ITSN2: variants seen among roughly 807,000 people sequenced by gnomAD.
ITSN2 encodes intersectin-2.
In ITSN2, 156 loss-of-function variants were observed where a neutral mutation model predicts 243.7. The ratio of observed to expected loss-of-function variants is 0.64; its 90% CI spans 0.56 to 0.73. The LOEUF is 0.73. Among genes scored for constraint, ITSN2 ranks in the 30% least tolerant of loss-of-function variants. The pLI is 0.00. For missense variants in ITSN2, 1,801 were observed against 1,996.1 expected (o/e 0.90, Z 1.86); for synonymous variants, 703 against 699.9 (o/e 1.00, Z -0.07).
chr2:24,218,039 G>A (rs1035685073), intron 30 of ITSN2, 26 bp from the exon 31 acceptor site: 1 of 1,513,234 alleles, frequency 6.6e-7, no homozygotes, highest in Non-Finnish European at 9.2e-7. Flanking sequence ...AGAAAAACTA[G>A]TTAGCTTAAG....
chr2:24,334,943 G>A, intron 1 of ITSN2: 1 of 384,564 alleles, frequency 2.6e-6, no homozygotes, highest in South Asian at 2.2e-5. Flanking sequence ...GGCGCCTGTA[G>A]TCCCAGCTAC....
intron 29 of ITSN2, among the ~76,000 whole-genome samples, chr2:24,231,709 G>A (rs905913823): frequency 2.0e-5 from 3 of 152,190 alleles, no homozygotes; most frequent in Admixed American, 1.3e-4. Flanking sequence ...GATCTGGGCA[G>A]ATTCCAGGAG....
In ITSN2 at chr2:24,275,016, C is replaced by T. The variant is rs547355003; in HGVS notation, c.2081+697G>A. Among the ~76,000 whole-genome samples, 139 of 152,314 alleles carry T rather than the reference C, an allele frequency of 9.1e-4. 1 individual carries two copies. The highest frequency in any genetic ancestry group is 3.4e-3 in the Middle Eastern group (1 of 294). ...ACCACAAATGTCTTACTTCTCCTTACTATAAATGGAGGCAATTAATATATC... is the reference window on the plus strand; with the variant it reads ...ACCACAAATGTCTTACTTCTCCTTATTATAAATGGAGGCAATTAATATATC... On this transcript the variant is annotated intron_variant, in intron 18 of 39. Coordinates refer to ENST00000355123, the MANE Select transcript of ITSN2 (RefSeq NM_006277.3).
At chr2:24,349,680 C>A (rs1465400242) in intron 1 of ITSN2, among the ~76,000 whole-genome samples, 2 of 152,102 alleles carry the variant, frequency 1.3e-5, no homozygotes, top group Non-Finnish European at 2.9e-5. Flanking sequence ...ATAGGCCGAG[C>A]AGCAGCCTCA....
At chr2:24,356,044 A>G (rs1003870991) in intron 1 of ITSN2, among the ~76,000 whole-genome samples, 1 of 152,144 alleles carries the variant, frequency 6.6e-6, no homozygotes, top group African/African-American at 2.4e-5. Flanking sequence ...TACTAAAAAT[A>G]CAAAAATTAG....
intron 12 of ITSN2, among the ~76,000 whole-genome samples, chr2:24,299,223 G>C (rs901483815): frequency 1.3e-5 from 2 of 151,856 alleles, no homozygotes; most frequent in South Asian, 2.1e-4. Context: ...TGTAGAGAGA[G>C]GGTTTCACCA....
intron 13 of ITSN2, among the ~76,000 whole-genome samples, chr2:24,296,732 T>C (rs1362259069): frequency 6.6e-6 from 1 of 152,250 alleles, no homozygotes; most frequent in Non-Finnish European, 1.5e-5. Context: ...GCCTATCGTA[T>C]TTTGTTACAG....
In ITSN2 at chr2:24,309,863, G is replaced by A. The variant is rs187428926; in HGVS notation, c.653+421C>T. On this transcript the variant is annotated intron_variant, in intron 7 of 39. Transcript: ENST00000355123. ...AGAGTATAATAGTGATTTATATGAA[G>A]GGTGATTAATGTAATGAATACTGAT... 5.9e-5 allele frequency among the ~76,000 whole-genome samples: 9 copies of A among 152,232 alleles called. No individual in the cohort carries two copies. In the East Asian group the frequency reaches 1.7e-3, roughly 29 times the overall value.
In ITSN2 at chr2:24,209,088, G is replaced by C. The variant is rs192151733; in HGVS notation, c.4595+12C>G. 1.9e-6 allele frequency: 3 copies of C among 1,613,708 alleles called. No homozygotes were observed. Among genetic ancestry groups the C allele is most frequent in the Non-Finnish European group, 2.5e-6 (3 of 1,179,834 alleles). On this transcript the variant is annotated intron_variant, in intron 36 of 39. Transcript: ENST00000355123. The stretch of plus-strand genomic sequence containing the variant: ...CAGAGTTCAAGGCAGGCCACACATG[G>C]TCAGGACTGACCTCTCATTAATGTT...
chr2:24,265,459 C>T (rs1170660159), intron 20 of ITSN2, among the ~76,000 whole-genome samples: 1 of 152,154 alleles, frequency 6.6e-6, no homozygotes, highest in Admixed American at 6.5e-5. Context: ...TGCAACCTTG[C>T]TAAACTCATT....
rs1171810501 is a variant in ITSN2, at chr2:24,302,117, A to G, written c.858-15T>C. 1 of 1,582,900 alleles carries G rather than the reference A, an allele frequency of 6.3e-7. No individual in the cohort carries two copies. Among genetic ancestry groups the G allele is most frequent in the African/African-American group, 1.4e-5 (1 of 73,172 alleles). On this transcript the variant is annotated splice_polypyrimidine_tract_variant and intron_variant, in intron 9 of 39. Coordinates refer to ENST00000355123, the MANE Select transcript of ITSN2 (RefSeq NM_006277.3). ...CAGCCAGAGTCCTAAAGAAAATGTT[A>G]AAATTCACAACTTAATAAAGTCTAT... is the stretch of plus-strand genomic sequence containing the variant.
intron 9 of ITSN2, among the ~76,000 whole-genome samples, chr2:24,302,494 C>T (rs969944945): frequency 6.6e-6 from 1 of 151,994 alleles, no homozygotes; most frequent in Non-Finnish European, 1.5e-5. Flanking sequence ...CACCTGGGCC[C>T]GGCCAATTTT....
At chr2:24,206,528 GAGA>G (rs1402338381) in intron 37 of ITSN2, among the ~76,000 whole-genome samples, 1 of 150,218 alleles carries the variant, frequency 6.7e-6, no homozygotes, top group Non-Finnish European at 1.5e-5. Context: ...GTGGAGGCTG[GAGA>G]AGAATGTGGG....
chr2:24,208,267 C>T lies in ITSN2; in HGVS notation c.4648G>A (p.Glu1550Lys), dbSNP rs770524939. 5 of 1,612,530 alleles carry T rather than the reference C, an allele frequency of 3.1e-6. No homozygotes were observed. The highest frequency in any genetic ancestry group is 3.4e-6 in the Non-Finnish European group (4 of 1,179,900). ...KAASEQYIDTEKKKREKAYQA... is the reference protein window; with the variant it reads ...KAASEQYIDTKKKKREKAYQA... The stretch of plus-strand genomic sequence containing the variant: ...TAAGCTTTCTCACGCTTCTTCTTCT[C>T]GGTGTCGATGTACTGCTCAGACGCC... The change falls in exon 37 of 40, where the codon GAG (glutamate) becomes AAG (lysine). Residue 1550 changes from glutamate (E) to lysine (K), a missense_variant. Physicochemically the swap from Glu to Lys is moderately conservative, Grantham distance 56. This residue lies in a region of ITSN2 where 928 missense variants were observed against 1,065.4 expected (regional missense o/e 0.87). Transcript: ENST00000355123.
Position 24,295,734 on chromosome 2 carries a change from TCA to T in ITSN2, c.1563_1564del (p.Glu522AlafsTer6). On this transcript the variant is annotated frameshift_variant, in exon 14 of 40. Coordinates refer to ENST00000355123, the MANE Select transcript of ITSN2 (RefSeq NM_006277.3). LOFTEE classifies it high-confidence loss of function. ...ACACTGCTTATCCAGAACTTCCAGC[TCA>T]GTCTTTTGAGTTTGCTTTTTGAGTC... 1 of 1,565,708 alleles carries T rather than the reference TCA, an allele frequency of 6.4e-7. No homozygotes were observed. Among genetic ancestry groups the T allele is most frequent in the Non-Finnish European group, 8.6e-7 (1 of 1,163,050 alleles).
chr2:24,227,848 G>A (rs1671197508), intron 29 of ITSN2, among the ~76,000 whole-genome samples: 1 of 152,122 alleles, frequency 6.6e-6, no homozygotes, highest in Admixed American at 6.5e-5. Context: ...GAACCTGGGA[G>A]GCAGAGGTTG....
chr2:24,246,921 T>C (rs1673450368), intron 27 of ITSN2, 28 bp from the exon 28 acceptor site: 4 of 1,379,254 alleles, frequency 2.9e-6, no homozygotes, highest in East Asian at 2.3e-5. Flanking sequence ...AAATACATAA[T>C]TGAAAGATGA....
intron 22 of ITSN2, among the ~76,000 whole-genome samples, chr2:24,260,827 C>T (rs1675748005): frequency 6.9e-6 from 1 of 145,904 alleles, no homozygotes; most frequent in African/African-American, 2.5e-5. Flanking sequence ...TCTCTTCAAC[C>T]AGGGAGCCGG....
At chr2:24,338,159 G>A (rs573821181) in intron 1 of ITSN2, among the ~76,000 whole-genome samples, 62 of 152,262 alleles carry the variant, frequency 4.1e-4, no homozygotes, top group African/African-American at 1.4e-3. Context: ...TCAGAAGCCT[G>A]CCACCCAGAG....
Sources: gnomAD v4.1 joint callset for allele counts (sites outside exome capture counted in the v4.1 genomes callset) on GRCh38, gnomAD v4.1.1 for gene constraint, gnomAD v4.1.1 regional missense constraint, MANE v1.5 for transcripts, NCBI Gene and HGNC (gene_info 2026-07-23, HGNC 2026-07-21) for gene names.